The following MAGI3 variants were observed in gnomAD, a reference collection of about 807,000 sequenced individuals.
The protein encoded by MAGI3 is membrane-associated guanylate kinase, WW and PDZ domain-containing protein 3.
MAGI3 carries 43 observed loss-of-function variants against 121.8 expected under a neutral mutation model. The observed-to-expected ratio is 0.35, with a 90% CI of 0.28 to 0.46. The LOEUF is 0.46. Among genes scored for constraint, MAGI3 ranks in the 20% least tolerant of loss-of-function variants. The pLI is 1.00. For missense variants in MAGI3, 1,547 were observed against 1,797.3 expected, an observed-to-expected ratio of 0.86 and a Z score of 2.52; for synonymous variants, 553 against 639.3, an observed-to-expected ratio of 0.86 and a Z score of 2.04.
intron 1 of MAGI3, among the ~76,000 whole-genome samples, chr1:113,430,899 T>C (rs1653268391): frequency 6.6e-6 from 1 of 152,218 alleles, no homozygotes; most frequent in Non-Finnish European, 1.5e-5. Flanking sequence ...ATTGGTTTAT[T>C]TTTCTGATAA....
chr1:113,526,928 C>A (rs1050810208), intron 1 of MAGI3, among the ~76,000 whole-genome samples: 13 of 152,242 alleles, frequency 8.5e-5, no homozygotes, highest in Admixed American at 2.6e-4. Flanking sequence ...CACTTAGTAG[C>A]TTTGTAAATT....
intron 1 of MAGI3, among the ~76,000 whole-genome samples, chr1:113,509,453 A>G (rs574335167): frequency 9.1e-5 from 13 of 143,460 alleles, no homozygotes; most frequent in African/African-American, 3.3e-4. Context: ...ATGCTGAGAC[A>G]TTTGTAATGA....
chr1:113,616,308 G>A (rs1246292099), intron 7 of MAGI3, among the ~76,000 whole-genome samples: 2 of 152,178 alleles, frequency 1.3e-5, no homozygotes, highest in African/African-American at 4.8e-5. Flanking sequence ...AGACTAAGAA[G>A]GAGCAGACTG....
intron 1 of MAGI3, among the ~76,000 whole-genome samples, chr1:113,517,726 T>A (rs1657997287): frequency 6.6e-6 from 1 of 152,032 alleles, no homozygotes; most frequent in South Asian, 2.1e-4. Context: ...AGCTTCTAAG[T>A]CTAGCTTCAG....
At chr1:113,648,028 T>C (rs2101832256) in intron 12 of MAGI3, among the ~76,000 whole-genome samples, 1 of 151,974 alleles carries the variant, frequency 6.6e-6, no homozygotes, top group Admixed American at 6.6e-5. Context: ...GTTCAAGCAA[T>C]TCTCCTGCCT....
At chr1:113,574,368 A>C (rs988973019) in intron 2 of MAGI3, among the ~76,000 whole-genome samples, 1 of 151,612 alleles carries the variant, frequency 6.6e-6, no homozygotes, top group Admixed American at 6.6e-5. Flanking sequence ...TTCCTTCAGG[A>C]GTAAGGCAGG....
intron 1 of MAGI3, among the ~76,000 whole-genome samples, chr1:113,398,890 A>C (rs1651254578): frequency 6.6e-6 from 1 of 152,040 alleles, no homozygotes; most frequent in Non-Finnish European, 1.5e-5. Flanking sequence ...TATATAGCTT[A>C]GATCTCAGCA....
intron 1 of MAGI3, among the ~76,000 whole-genome samples, chr1:113,401,117 C>T (rs1298406556): frequency 6.6e-6 from 1 of 152,124 alleles, no homozygotes; most frequent in African/African-American, 2.4e-5. Flanking sequence ...TTCCTTTACA[C>T]ATGAGAAAAT....
At chr1:113,552,408 G>A (rs982157597) in intron 2 of MAGI3, among the ~76,000 whole-genome samples, 2 of 152,126 alleles carry the variant, frequency 1.3e-5, no homozygotes, top group Admixed American at 6.5e-5. Flanking sequence ...TTGGCATAAA[G>A]CATTGCTCTT....
chr1:113,569,285 T>A (rs1391838269), intron 2 of MAGI3, among the ~76,000 whole-genome samples: 1 of 152,190 alleles, frequency 6.6e-6, no homozygotes, highest in Admixed American at 6.5e-5. Flanking sequence ...TGTTCTGTTT[T>A]AAAAATCTTT....
chr1:113,609,329 G>A (rs940415306), intron 6 of MAGI3, among the ~76,000 whole-genome samples: 2 of 152,184 alleles, frequency 1.3e-5, no homozygotes, highest in African/African-American at 4.8e-5. Flanking sequence ...GAACATTTAA[G>A]ATCTTCTAGA....
chr1:113,597,447 A>T (rs1305389092), intron 6 of MAGI3, among the ~76,000 whole-genome samples: 1 of 152,216 alleles, frequency 6.6e-6, no homozygotes, highest in Admixed American at 6.5e-5. Context: ...CTTAAAACAG[A>T]TGAATTGTAT....
At chr1:113,556,157 TG>T (rs1330616983) in intron 2 of MAGI3, among the ~76,000 whole-genome samples, 1 of 151,920 alleles carries the variant, frequency 6.6e-6, no homozygotes, top group African/African-American at 2.4e-5. Context: ...AATTCTACCT[TG>T]AGAATCTTAA....
At chr1:113,490,213 GA>G (rs1243420426) in intron 1 of MAGI3, among the ~76,000 whole-genome samples, 1 of 152,174 alleles carries the variant, frequency 6.6e-6, no homozygotes, top group East Asian at 1.9e-4. Context: ...TTATAAGCCA[GA>G]AGAGATTGGA....
Position 113,391,875 on chromosome 1 carries a change from G to A in MAGI3, c.316+526G>A, listed in dbSNP as rs1187868580. On this transcript the variant is annotated intron_variant, in intron 1 of 20. Coordinates refer to ENST00000307546, the MANE Select transcript of MAGI3 (RefSeq NM_001142782.2). This position sits in a 1 kb window ranked among gnomAD's most constrained non-coding sequence, Gnocchi z 4.4. ...CAGAGCTGACAGCCTAACTCTGTCAGTCCAGGTGGTTCAGGTGTCTGAGTA... is the reference window on the plus strand; with the variant it reads ...CAGAGCTGACAGCCTAACTCTGTCAATCCAGGTGGTTCAGGTGTCTGAGTA... Among the ~76,000 whole-genome samples the A allele has an allele frequency of 6.6e-6, 1 of 152,236 alleles. No individual in the cohort carries two copies. Among genetic ancestry groups the A allele is most frequent in the Admixed American group, 6.5e-5 (1 of 15,280 alleles).
chr1:113,542,293 C>G (rs1659325937), intron 1 of MAGI3, among the ~76,000 whole-genome samples: 1 of 152,102 alleles, frequency 6.6e-6, no homozygotes, highest in African/African-American at 2.4e-5. Context: ...GATGATACAG[C>G]AGGACAAAGG....
At chr1:113,537,735 G>A (rs1429703259) in intron 1 of MAGI3, among the ~76,000 whole-genome samples, 1 of 151,986 alleles carries the variant, frequency 6.6e-6, no homozygotes, top group Non-Finnish European at 1.5e-5. Flanking sequence ...TTTCATTTTT[G>A]ATTATTTTTT....
chr1:113,577,260 G>A (rs924829990), intron 2 of MAGI3, among the ~76,000 whole-genome samples: 2 of 152,132 alleles, frequency 1.3e-5, no homozygotes, highest in African/African-American at 4.8e-5. Context: ...GTTATTCATA[G>A]GTCAGTTAAG....
chr1:113,403,124 G>A (rs1651492319), intron 1 of MAGI3, among the ~76,000 whole-genome samples: 1 of 152,162 alleles, frequency 6.6e-6, no homozygotes, highest in Non-Finnish European at 1.5e-5. Context: ...GGAGGGCTGG[G>A]CTCTAGACTG....
Sources: allele counts gnomAD v4.1 joint callset (sites outside exome capture counted in the v4.1 genomes callset), GRCh38; gene constraint gnomAD v4.1.1; non-coding constraint Gnocchi (gnomAD v3.1); transcripts MANE v1.5; gene names NCBI Gene and HGNC (gene_info 2026-07-23, HGNC 2026-07-21).